NKD1: variants seen among roughly 807,000 people sequenced by gnomAD.
NKD1 encodes protein naked cuticle homolog 1.
Under a neutral mutation model 56.0 loss-of-function variants are expected in NKD1, and 21 were observed. That is an observed-to-expected ratio of 0.38 (90% CI 0.27 to 0.54). The LOEUF (loss-of-function observed/expected upper bound fraction) is 0.54, where lower values mean the gene tolerates loss of function less well. Ranked by LOEUF, NKD1 falls within the 20% of genes least tolerant of loss-of-function variation. NKD1 has a pLI of 0.82. For missense variants in NKD1, 578 were observed against 642.7 expected (o/e 0.90, Z 1.09); for synonymous variants, 263 against 265.7 (o/e 0.99, Z 0.10).
chr16:50,601,856 G>A (rs988693198), intron 3 of NKD1, among the ~76,000 whole-genome samples: 2 of 152,132 alleles, frequency 1.3e-5, no homozygotes, highest in Non-Finnish European at 2.9e-5. Flanking sequence ...GCAGCATGTT[G>A]AGGCCTGGGT....
chr16:50,642,882 A>T lies in NKD1; in HGVS notation c.*9101A>T, dbSNP rs1462001822. 1.3e-5 allele frequency: 2 copies of T among 152,140 alleles called. No homozygotes were observed. Among genetic ancestry groups the T allele is most frequent in the Non-Finnish European group, 2.9e-5 (2 of 68,044 alleles). The allele number at this position is 152,140 out of a possible 1,614,324, so 9.4% of individuals were successfully genotyped here. On this transcript the variant is annotated 3_prime_UTR_variant, in exon 10 of 10. Coordinates refer to ENST00000268459, the MANE Select transcript of NKD1 (RefSeq NM_033119.5). ...TTTCCCTCTCAAGTTTGATGGGATC[A>T]CTCTGTTCCTTCCAGACCCGACTTG...
chr16:50,627,584 C>G (rs1200748307), intron 6 of NKD1, among the ~76,000 whole-genome samples: 2 of 152,186 alleles, frequency 1.3e-5, no homozygotes, highest in Non-Finnish European at 2.9e-5. Flanking sequence ...AAATACAGTT[C>G]CCTTCCACGC....
At chr16:50,568,192 C>T (rs1239848214) in intron 3 of NKD1, among the ~76,000 whole-genome samples, 2 of 152,160 alleles carry the variant, frequency 1.3e-5, no homozygotes, top group Non-Finnish European at 2.9e-5. Flanking sequence ...CCTGAGCACC[C>T]GCCTACCTTT....
In NKD1 at chr16:50,584,032, G is replaced by T. The variant is rs559808980; in HGVS notation, c.193-24262G>T. Among the ~76,000 whole-genome samples, 386 of 152,340 alleles carry T rather than the reference G, an allele frequency of 2.5e-3. 2 individuals carry two copies. Among genetic ancestry groups the T allele is most frequent in the African/African-American group, 8.9e-3 (372 of 41,580 alleles). On this transcript the variant is annotated intron_variant, in intron 3 of 9. Transcript: ENST00000268459. ...TGGCATATCAGTTAGCTGTTGCCAT[G>T]TTGCAAACCACCCTAAGACTTAGTT...
At chr16:50,582,386 G>T (rs1041431282) in intron 3 of NKD1, among the ~76,000 whole-genome samples, 5 of 152,172 alleles carry the variant, frequency 3.3e-5, no homozygotes, top group African/African-American at 1.2e-4. Flanking sequence ...ACCCTCCCAG[G>T]GGAGTCTGGA....
chr16:50,574,218 C>G (rs778954451), intron 3 of NKD1: 1 of 985,200 alleles, frequency 1.0e-6, no homozygotes, highest in East Asian at 1.1e-4. Flanking sequence ...TCAATTTTCT[C>G]TCCTGTCAAA....
intron 3 of NKD1, among the ~76,000 whole-genome samples, chr16:50,584,739 T>G (rs1309751440): frequency 6.6e-6 from 1 of 152,202 alleles, no homozygotes; most frequent in Non-Finnish European, 1.5e-5. Context: ...TGAGAGCTAC[T>G]GGGGCTGTTT....
At chr16:50,595,998 C>T (rs1374128360) in intron 3 of NKD1, among the ~76,000 whole-genome samples, 1 of 152,236 alleles carries the variant, frequency 6.6e-6, no homozygotes, top group Non-Finnish European at 1.5e-5. Context: ...CACCCTGCTC[C>T]CCCTGAGCCC....
chr16:50,591,045 A>G (rs1423383636), intron 3 of NKD1, among the ~76,000 whole-genome samples: 1 of 151,474 alleles, frequency 6.6e-6, no homozygotes, highest in Non-Finnish European at 1.5e-5. Context: ...CTGGTCTCGA[A>G]CTCCTGACCT....
At chr16:50,592,730 C>T (rs1450891160) in intron 3 of NKD1, among the ~76,000 whole-genome samples, 2 of 145,594 alleles carry the variant, frequency 1.4e-5, no homozygotes, top group Admixed American at 7.1e-5. Context: ...TAGGAGGCAG[C>T]GAGAAGCAGC....
At chr16:50,621,492 C>T in intron 4 of NKD1, 110 bp from the exon 5 acceptor site, 1 of 704,750 alleles carries the variant, frequency 1.4e-6, no homozygotes, top group Non-Finnish European at 2.4e-6. Context: ...GCGGGCCCAG[C>T]CCCCTGGCGA....
chr16:50,626,926 C>G (rs1431166994), intron 6 of NKD1, among the ~76,000 whole-genome samples: 8 of 152,120 alleles, frequency 5.3e-5, no homozygotes, highest in Non-Finnish European at 2.9e-5. Flanking sequence ...GCTGACTGGT[C>G]TCCTCATCCT....
Position 50,644,399 on chromosome 16 carries a change from C to T in NKD1, c.*10618C>T, listed in dbSNP as rs1962638131. 6.6e-6 allele frequency: 1 copy of T among 152,270 alleles called. No homozygotes were observed. The highest frequency in any genetic ancestry group is 6.5e-5 in the Admixed American group (1 of 15,292). The allele number at this position is 152,270 out of a possible 1,614,324, so 9.4% of individuals were successfully genotyped here. ...CCCACCCGCCCCCAGCGGGACCTAG[C>T]ACATGGCCTGCTGTTGACACTCCAT... On this transcript the variant is annotated 3_prime_UTR_variant, in exon 10 of 10. Coordinates refer to ENST00000268459, the MANE Select transcript of NKD1 (RefSeq NM_033119.5).
chr16:50,616,770 C>T (rs1027332899), intron 4 of NKD1, among the ~76,000 whole-genome samples: 13 of 152,218 alleles, frequency 8.5e-5, no homozygotes, highest in African/African-American at 2.4e-4. Context: ...CCACTAGCTC[C>T]GGATGCATTC....
chr16:50,638,945 G>C lies in NKD1; in HGVS notation c.*5164G>C, dbSNP rs2151282976. 6.6e-6 allele frequency: 1 copy of C among 152,328 alleles called. No homozygotes were observed. Among genetic ancestry groups the C allele is most frequent in the South Asian group, 2.1e-4 (1 of 4,828 alleles). The allele number at this position is 152,328 out of a possible 1,614,324, so 9.4% of individuals were successfully genotyped here. A position where few individuals can be genotyped will look rare whatever the true frequency, so the allele number is the denominator to read the frequency against. On this transcript the variant is annotated 3_prime_UTR_variant, in exon 10 of 10. Transcript: ENST00000268459. The stretch of plus-strand genomic sequence containing the variant: ...ACATTTAGCCCATGAGCCTGGCACA[G>C]ATCCCTATCTAGACATGAGGCCCTT...
chr16:50,633,801 A>C lies in NKD1; in HGVS notation c.*20A>C, dbSNP rs760626527. The C allele has an allele frequency of 3.7e-6, 5 of 1,342,520 alleles. No individual in the cohort carries two copies. The highest frequency in any genetic ancestry group is 2.0e-6 in the Non-Finnish European group (2 of 1,004,726). 83.2% of individuals were successfully genotyped at this position (1,342,520 alleles called of 1,614,324 possible). A position where few individuals can be genotyped will look rare whatever the true frequency, so the allele number is the denominator to read the frequency against. On this transcript the variant is annotated 3_prime_UTR_variant, in exon 10 of 10. Transcript: ENST00000268459. This position sits in a 1 kb window ranked among gnomAD's most constrained non-coding sequence, Gnocchi z 4.9. ...ACATAGAGCCCCTCCCCAGGGCCCC[A>C]CCCTGCCATATGAAGGACCCCACCC...
At chr16:50,602,220 G>T (rs1961612182) in intron 3 of NKD1, among the ~76,000 whole-genome samples, 1 of 152,184 alleles carries the variant, frequency 6.6e-6, no homozygotes, top group Admixed American at 6.5e-5. Context: ...GAGAGACATA[G>T]AACTTGAGGC....
intron 3 of NKD1, among the ~76,000 whole-genome samples, chr16:50,600,097 T>C (rs901460926): frequency 1.3e-5 from 2 of 151,952 alleles, no homozygotes; most frequent in Non-Finnish European, 2.9e-5. Context: ...GGCCAGGGGG[T>C]AGGTTCTTTA....
At chr16:50,624,097 C>T (rs886140543) in intron 5 of NKD1, among the ~76,000 whole-genome samples, 1 of 152,172 alleles carries the variant, frequency 6.6e-6, no homozygotes, top group African/African-American at 2.4e-5. Context: ...GCCTTTCCCT[C>T]TCTGGGGAGC....
Sources: allele counts gnomAD v4.1 joint callset (sites outside exome capture counted in the v4.1 genomes callset), GRCh38; gene constraint gnomAD v4.1.1; non-coding constraint Gnocchi (gnomAD v3.1); transcripts MANE v1.5; gene names NCBI Gene and HGNC (gene_info 2026-07-23, HGNC 2026-07-21).